The following CCDC141 variants were observed in gnomAD, a reference collection of about 807,000 sequenced individuals.
The protein encoded by CCDC141 is coiled-coil domain-containing protein 141.
In CCDC141, 168 loss-of-function variants were observed where a neutral mutation model predicts 181.0. The ratio of observed to expected loss-of-function variants is 0.93; its 90% CI spans 0.82 to 1.05. The LOEUF is 1.05. Ranked by LOEUF, CCDC141 falls within the 50% of genes least tolerant of loss-of-function variation. The pLI, the probability that CCDC141 is intolerant of heterozygous loss-of-function variation, is 0.00. For missense variants in CCDC141, 1,902 were observed against 1,788.5 expected, an observed-to-expected ratio of 1.06 and a Z score of -1.14; for synonymous variants, 666 against 642.3, an observed-to-expected ratio of 1.04 and a Z score of -0.56.
intron 23 of CCDC141, chr2:178,836,687 T>C (rs1212471817): frequency 3.8e-6 from 2 of 530,012 alleles, no homozygotes; most frequent in East Asian, 6.7e-5. Flanking sequence ...TAGTACTTTA[T>C]ATGGTTACCT....
intron 8 of CCDC141, among the ~76,000 whole-genome samples, chr2:178,903,776 A>T (rs1417423355): frequency 2.1e-5 from 3 of 141,784 alleles, no homozygotes; most frequent in South Asian, 2.2e-4. Context: ...AAAAAAAATT[A>T]AAAAAAAAAA....
At chr2:179,044,455 T>A (rs541812863) in intron 2 of CCDC141, among the ~76,000 whole-genome samples, 21 of 152,278 alleles carry the variant, frequency 1.4e-4, no homozygotes, top group Non-Finnish European at 2.4e-4. Context: ...GATTTAGGTA[T>A]GCAAATTTGA....
At chr2:178,941,681 G>A (rs911368524) in intron 6 of CCDC141, among the ~76,000 whole-genome samples, 4 of 151,886 alleles carry the variant, frequency 2.6e-5, no homozygotes, top group African/African-American at 7.3e-5. Context: ...TGCCAGGTAT[G>A]AGAGTTCATG....
At chr2:178,850,867 A>G (rs527605856) in intron 20 of CCDC141, among the ~76,000 whole-genome samples, 2 of 152,176 alleles carry the variant, frequency 1.3e-5, no homozygotes, top group Non-Finnish European at 2.9e-5. Flanking sequence ...CCTTGGATAG[A>G]TTCTACTACT....
At chr2:178,952,608 T>A (rs1689997428) in intron 5 of CCDC141, among the ~76,000 whole-genome samples, 1 of 152,236 alleles carries the variant, frequency 6.6e-6, no homozygotes, top group Non-Finnish European at 1.5e-5. Context: ...TAGAAAAGGT[T>A]TCTTTTTCTG....
At position 178,833,329 on chromosome 2, in the gene CCDC141, A is replaced by G. The variant is rs994556982; in HGVS notation, c.*844T>C. 8 of 152,230 alleles carry G rather than the reference A, an allele frequency of 5.3e-5. No homozygotes were observed. Among genetic ancestry groups the G allele is most frequent in the African/African-American group, 9.6e-5 (4 of 41,456 alleles). 9.4% of individuals were successfully genotyped at this position (152,230 alleles called of 1,614,324 possible). On this transcript the variant is annotated 3_prime_UTR_variant, in exon 24 of 24. Transcript: ENST00000443758. ...GAAAACTCTCAATTGCCCAAGAGGTAGATGATGAACTCATTTTCCAGACAG... is the reference window on the plus strand; with the variant it reads ...GAAAACTCTCAATTGCCCAAGAGGTGGATGATGAACTCATTTTCCAGACAG...
chr2:178,920,357 T>C (rs1688630726), intron 6 of CCDC141, among the ~76,000 whole-genome samples: 1 of 152,240 alleles, frequency 6.6e-6, no homozygotes, highest in African/African-American at 2.4e-5. Flanking sequence ...TCATTCATTT[T>C]ACAAAGTAAC....
At chr2:179,005,477 A>T (rs2042098384) in intron 2 of CCDC141, among the ~76,000 whole-genome samples, 1 of 152,176 alleles carries the variant, frequency 6.6e-6, no homozygotes, top group Non-Finnish European at 1.5e-5. Flanking sequence ...TTCATCTATT[A>T]AAAAACAATA....
the CCDC141 span, chr2:178,817,782 C>T: frequency 3.7e-6 from 1 of 268,020 alleles, no homozygotes; most frequent in Non-Finnish European, 6.8e-6. Flanking sequence ...CTCCTCCCTT[C>T]CTTCCTTCCT....
At chr2:179,043,260 C>T (rs2043373073) in intron 2 of CCDC141, among the ~76,000 whole-genome samples, 1 of 152,098 alleles carries the variant, frequency 6.6e-6, no homozygotes, top group African/African-American at 2.4e-5. Flanking sequence ...AGCCCAGGAC[C>T]AGGTGGATTC....
chr2:178,855,989 G>T (rs147372091), intron 18 of CCDC141, among the ~76,000 whole-genome samples: 3 of 152,206 alleles, frequency 2.0e-5, no homozygotes, highest in African/African-American at 7.2e-5. Flanking sequence ...ATCCATGTGT[G>T]TGTGTATGTG....
intron 2 of CCDC141, among the ~76,000 whole-genome samples, chr2:178,979,134 A>T (rs897838331): frequency 6.6e-6 from 1 of 152,216 alleles, no homozygotes; most frequent in African/African-American, 2.4e-5. Context: ...TATTAAGAGT[A>T]GATTTTTAAA....
intron 2 of CCDC141, among the ~76,000 whole-genome samples, chr2:179,031,765 T>G (rs1295034430): frequency 1.3e-5 from 2 of 152,076 alleles, no homozygotes; most frequent in Non-Finnish European, 2.9e-5. Context: ...AACATGTTAA[T>G]AAAAGTTTAA....
intron 2 of CCDC141, among the ~76,000 whole-genome samples, chr2:178,978,939 T>C (rs900644982): frequency 1.3e-5 from 2 of 152,132 alleles, no homozygotes; most frequent in Non-Finnish European, 2.9e-5. Flanking sequence ...GACACATGTC[T>C]ACATTCCCAA....
In CCDC141 at chr2:179,006,434, C is replaced by A. The variant is rs1446201550; in HGVS notation, c.226-27759G>T. Reference sequence around the variant, plus strand: ...AGTGTTCAGAGAGTGGTTCAATGATCACTCTGCAAGATATTGTAGGAAATA... The same window carrying A: ...AGTGTTCAGAGAGTGGTTCAATGATAACTCTGCAAGATATTGTAGGAAATA... On this transcript the variant is annotated intron_variant, in intron 2 of 23. Transcript: ENST00000443758. Among the ~76,000 whole-genome samples, 4 of 152,146 alleles carry A rather than the reference C, an allele frequency of 2.6e-5. No homozygotes were observed. The South Asian group carries it at 8.3e-4, about 32-fold the overall frequency.
intron 2 of CCDC141, among the ~76,000 whole-genome samples, chr2:178,998,291 T>A (rs985018566): frequency 6.6e-6 from 1 of 152,172 alleles, no homozygotes; most frequent in Admixed American, 6.6e-5. Context: ...TTAATGACCC[T>A]TACAGTTCAG....
At chr2:178,888,758 C>A in intron 8 of CCDC141, 90 bp from the exon 9 acceptor site, 1 of 1,420,326 alleles carries the variant, frequency 7.0e-7, no homozygotes, top group Non-Finnish European at 9.6e-7. Context: ...GTTAGGTAGG[C>A]GTTGGTAAAA....
chr2:178,949,828 T>C (rs571011143), intron 5 of CCDC141, among the ~76,000 whole-genome samples: 3 of 152,304 alleles, frequency 2.0e-5, no homozygotes, highest in African/African-American at 4.8e-5. Context: ...AGATGGGTCA[T>C]GCAAGCGGTA....
At chr2:178,891,195 T>A (rs563276206) in intron 8 of CCDC141, among the ~76,000 whole-genome samples, 2 of 152,262 alleles carry the variant, frequency 1.3e-5, no homozygotes, top group South Asian at 4.2e-4. Flanking sequence ...ACCATAAAAT[T>A]CCATAACGAC....
Sources: gnomAD v4.1 joint callset for allele counts (sites outside exome capture counted in the v4.1 genomes callset) on GRCh38, gnomAD v4.1.1 for gene constraint, MANE v1.5 for transcripts, NCBI Gene and HGNC (gene_info 2026-07-23, HGNC 2026-07-21) for gene names.